LIPA: variants seen among roughly 807,000 people sequenced by gnomAD.
LIPA encodes lipase A, lysosomal acid type.
A neutral mutation model predicts 40.6 loss-of-function variants in LIPA; 26 were observed. The ratio of observed to expected loss-of-function variants is 0.64; its 90% CI spans 0.47 to 0.89. LIPA has a LOEUF of 0.89. Ranked by LOEUF, LIPA falls within the 40% of genes least tolerant of loss-of-function variation. The pLI is 0.00. For missense variants in LIPA, 455 were observed against 479.6 expected (o/e 0.95, Z 0.48); for synonymous variants, 188 against 168.4 (o/e 1.12, Z -0.90).
At chr10:89,316,374 T>G (rs959331009) in intron 1 of LIPA, among the ~76,000 whole-genome samples, 1 of 152,194 alleles carries the variant, frequency 6.6e-6, no homozygotes, top group African/African-American at 2.4e-5. Context: ...ACCCTAATAC[T>G]GCGCTTTTCC....
At chr10:89,238,380 T>C (rs1842929837) in intron 3 of LIPA, among the ~76,000 whole-genome samples, 4 of 152,220 alleles carry the variant, frequency 2.6e-5, no homozygotes, top group Admixed American at 2.6e-4. Flanking sequence ...GGGTGGCAAT[T>C]GCAATTATTC....
intron 2 of LIPA, among the ~76,000 whole-genome samples, chr10:89,361,875 CTTTTTTTTTTTTTTTTTTTTTTTTT>C (rs59818683): frequency 6.2e-4 from 25 of 40,440 alleles, no homozygotes; most frequent in African/African-American, 2.7e-3. Context: ...CTCCACCTGC[CTTTTTTTTTTTTTTTTTTTTTTTTT>C]TTTTTTTTTT....
chr10:89,243,848 G>C (rs934503449), intron 3 of LIPA, among the ~76,000 whole-genome samples: 1 of 152,170 alleles, frequency 6.6e-6, no homozygotes, highest in African/African-American at 2.4e-5. Context: ...CTCTCAGCAA[G>C]TTTTACTGAG....
chr10:89,285,990 G>T (rs773790176), intron 1 of LIPA, among the ~76,000 whole-genome samples: 1 of 151,620 alleles, frequency 6.6e-6, no homozygotes, highest in Non-Finnish European at 1.5e-5. Flanking sequence ...ACTCACACCC[G>T]ACTTAAAACC....
At chr10:89,224,848 G>A (rs1442831194) in intron 6 of LIPA, among the ~76,000 whole-genome samples, 1 of 152,192 alleles carries the variant, frequency 6.6e-6, no homozygotes, top group East Asian at 1.9e-4. Context: ...CCTGTGAGGT[G>A]GGCAGAGCTG....
chr10:89,298,342 C>G (rs1004390645), intron 1 of LIPA, among the ~76,000 whole-genome samples: 1 of 152,144 alleles, frequency 6.6e-6, no homozygotes, highest in East Asian at 1.9e-4. Flanking sequence ...AACCCTGTTC[C>G]CAGTAAAATG....
At chr10:89,297,727 C>T (rs1422817487) in intron 1 of LIPA, among the ~76,000 whole-genome samples, 1 of 152,350 alleles carries the variant, frequency 6.6e-6, no homozygotes, top group African/African-American at 2.4e-5. Flanking sequence ...TAGTGAGATA[C>T]TCTCCCACTA....
At chr10:89,365,463 C>T (rs1168034897) in intron 2 of LIPA, among the ~76,000 whole-genome samples, 1 of 152,142 alleles carries the variant, frequency 6.6e-6, no homozygotes, top group South Asian at 2.1e-4. Context: ...AATTAGATCC[C>T]ATTTGTCAAT....
At chr10:89,411,470 T>G (rs923284341) in intron 2 of LIPA, among the ~76,000 whole-genome samples, 6 of 152,252 alleles carry the variant, frequency 3.9e-5, no homozygotes, top group Admixed American at 2.6e-4. Context: ...TAATATGGAC[T>G]GAACGAGGTC....
intron 1 of LIPA, among the ~76,000 whole-genome samples, chr10:89,334,549 G>GTA (rs1197879329): frequency 8.2e-6 from 1 of 121,224 alleles, no homozygotes; most frequent in Non-Finnish European, 1.6e-5. Context: ...AGGCTGGAGT[G>GTA]TAGTGGCCCG....
intron 1 of LIPA, among the ~76,000 whole-genome samples, chr10:89,270,233 G>A (rs1044944512): frequency 1.3e-5 from 2 of 152,192 alleles, no homozygotes; most frequent in African/African-American, 4.8e-5. Context: ...CCACCAGTCA[G>A]GGCCAGAAAT....
chr10:89,233,512 A>G (rs1221512429), intron 3 of LIPA, among the ~76,000 whole-genome samples: 1 of 152,254 alleles, frequency 6.6e-6, no homozygotes, highest in Admixed American at 6.5e-5. Flanking sequence ...TTGAAAACAT[A>G]CATTACGTTT....
chr10:89,355,209 C>T (rs1843982916), intron 2 of LIPA, among the ~76,000 whole-genome samples: 1 of 152,234 alleles, frequency 6.6e-6, no homozygotes, highest in Non-Finnish European at 1.5e-5. Flanking sequence ...TCCGCTCCTC[C>T]CCACAGCCTA....
rs117340376 is a variant in LIPA, at chr10:89,273,548, T to C, written c.-1-25899A>G. On this transcript the variant is annotated intron_variant, in intron 1 of 5. Transcript: ENST00000282673. ...AAACAGAGCTGATGGTTAAGAACAT[T>C]TTGACACCCTGGAAAGTGTTGTGCT... Among the ~76,000 whole-genome samples, 23 of 152,262 alleles carry C rather than the reference T, an allele frequency of 1.5e-4. No homozygotes were observed. The East Asian group carries it at 4.4e-3, about 29-fold the overall frequency.
At chr10:89,399,460 AAT>A (rs1844390614) in intron 2 of LIPA, among the ~76,000 whole-genome samples, 1 of 152,158 alleles carries the variant, frequency 6.6e-6, no homozygotes, top group Non-Finnish European at 1.5e-5. Flanking sequence ...TGCCAAATCC[AAT>A]GTTACAAAGC....
chr10:89,215,247 A>G (rs1842609826), intron 9 of LIPA, among the ~76,000 whole-genome samples, 186 bp from the exon 10 acceptor site: 1 of 152,228 alleles, frequency 6.6e-6, no homozygotes, highest in African/African-American at 2.4e-5. Context: ...CTAACCCCAA[A>G]TGAGAGAATG....
intron 1 of LIPA, among the ~76,000 whole-genome samples, chr10:89,258,612 G>T (rs1232753541): frequency 1.3e-5 from 2 of 152,176 alleles, no homozygotes; most frequent in African/African-American, 2.4e-5. Context: ...ATGTGAAATG[G>T]TGTGGCCACT....
chr10:89,410,333 G>A (rs565976887), intron 2 of LIPA, among the ~76,000 whole-genome samples: 47 of 152,248 alleles, frequency 3.1e-4, no homozygotes, highest in Admixed American at 3.9e-4. Flanking sequence ...ACCTATATGC[G>A]TGGCCCTCAA....
intron 1 of LIPA, among the ~76,000 whole-genome samples, chr10:89,304,553 A>G (rs75034992): frequency 0.038 from 5,853 of 152,196 alleles, 370 homozygotes; most frequent in African/African-American, 0.13. Flanking sequence ...AAGCCATACT[A>G]TTTAGAAATA....
Sources: allele counts gnomAD v4.1 joint callset (sites outside exome capture counted in the v4.1 genomes callset), GRCh38; gene constraint gnomAD v4.1.1; transcripts MANE v1.5; gene names NCBI Gene and HGNC (gene_info 2026-07-23, HGNC 2026-07-21).